The following NSD3 variants were observed in gnomAD, a reference collection of about 807,000 sequenced individuals.
The protein encoded by NSD3 is nuclear receptor binding SET domain protein 3, also known as histone-lysine N-methyltransferase NSD3.
In NSD3, 24 loss-of-function variants were observed where a neutral mutation model predicts 160.8. The ratio of observed to expected loss-of-function variants is 0.15; its 90% CI spans 0.11 to 0.21. NSD3 has a LOEUF of 0.21. NSD3 is among the 10% of genes least tolerant of loss of function. The pLI, the probability that NSD3 is intolerant of heterozygous loss-of-function variation, is 1.00. For synonymous variants in NSD3, 520 were observed against 600.0 expected, an observed-to-expected ratio of 0.87 and a Z score of 1.95; for missense variants, 1,157 against 1,735.9, an observed-to-expected ratio of 0.67 and a Z score of 5.93.
At position 38,329,952 on chromosome 8, in the gene NSD3, A is replaced by G. The variant is rs563066257; in HGVS notation, c.1066-59T>C. The stretch of plus-strand genomic sequence containing the variant: ...TACTCTAATAGGTACATTAAAATTG[A>G]TATGTATTTCCCATGTGATCCTGTT... On this transcript the variant is annotated intron_variant, in intron 5 of 23. Transcript: ENST00000317025. This position sits in a 1 kb window ranked among gnomAD's most constrained non-coding sequence, Gnocchi z 4.8. The G allele has an allele frequency of 2.7e-6, 4 of 1,498,358 alleles. No individual in the cohort carries two copies. Among genetic ancestry groups the G allele is most frequent in the African/African-American group, 2.8e-5 (2 of 71,658 alleles). 92.8% of individuals were successfully genotyped at this position (1,498,358 alleles called of 1,614,324 possible).
At chr8:38,292,877 C>T (rs1161370411) in intron 16 of NSD3, among the ~76,000 whole-genome samples, 1 of 152,124 alleles carries the variant, frequency 6.6e-6, no homozygotes, top group African/African-American at 2.4e-5. Context: ...GAGGCTGAGG[C>T]AGGAGAATCA....
Position 38,321,168 on chromosome 8 carries a change from T to G in NSD3, c.1713A>C (p.Ser571=). 1.2e-6 allele frequency: 2 copies of G among 1,611,116 alleles called. No individual in the cohort carries two copies. The highest frequency in any genetic ancestry group is 1.7e-6 in the Non-Finnish European group (2 of 1,179,360). Residue 571 remains serine, a synonymous_variant, in exon 8 of 24, where the codon TCA becomes TCC. Transcript: ENST00000317025. This position sits in a 1 kb window ranked among gnomAD's most constrained non-coding sequence, Gnocchi z 4.7. Reference sequence around the variant, plus strand: ...ATCTTCTCTGTTGCTTCTTTTCTACTGAGCCTAAGAAATGATTTAAACACA... The same window carrying G: ...ATCTTCTCTGTTGCTTCTTTTCTACGGAGCCTAAGAAATGATTTAAACACA... ...SPEATSGSTG[S]VEKKQQRRSI... is the part of the protein sequence containing the mutation.
At chr8:38,374,687 A>C (rs1811344922) in intron 1 of NSD3, among the ~76,000 whole-genome samples, 1 of 152,168 alleles carries the variant, frequency 6.6e-6, no homozygotes, top group South Asian at 2.1e-4. Flanking sequence ...CTGAAATCTT[A>C]ATTTTCCCAT....
chr8:38,367,317 G>A (rs575855983), intron 1 of NSD3, among the ~76,000 whole-genome samples: 8 of 152,216 alleles, frequency 5.3e-5, no homozygotes, highest in African/African-American at 9.6e-5. Flanking sequence ...AAATGACCAC[G>A]AAAAATGGGA....
chr8:38,313,615 C>G (rs1244889249), intron 12 of NSD3, among the ~76,000 whole-genome samples: 3 of 151,836 alleles, frequency 2.0e-5, no homozygotes, highest in African/African-American at 2.4e-5. Flanking sequence ...GGTGAAACCT[C>G]GTCTCTACTA....
intron 4 of NSD3, 123 bp downstream of exon 4, chr8:38,337,182 C>T (rs940092484): frequency 3.4e-5 from 30 of 884,474 alleles, no homozygotes; most frequent in Admixed American, 8.5e-5. Flanking sequence ...AAAACTGATA[C>T]GGATATGCAC....
intron 15 of NSD3, among the ~76,000 whole-genome samples, chr8:38,297,078 T>C (rs1809167713): frequency 6.6e-6 from 1 of 152,220 alleles, no homozygotes; most frequent in Admixed American, 6.5e-5. Flanking sequence ...ATATTAAACA[T>C]AGTTCAAAAA....
chr8:38,331,858 T>C (rs1810069422), intron 4 of NSD3, among the ~76,000 whole-genome samples: 1 of 151,688 alleles, frequency 6.6e-6, no homozygotes, highest in East Asian at 1.9e-4. Flanking sequence ...CAAAACAAAA[T>C]AACATTCTTC....
intron 1 of NSD3, among the ~76,000 whole-genome samples, chr8:38,353,604 C>G (rs981427019): frequency 1.3e-5 from 2 of 152,064 alleles, no homozygotes; most frequent in South Asian, 4.1e-4. Context: ...TTCCCCTTTT[C>G]CTGTCTTCTC....
At chr8:38,353,984 A>C (rs1356554847) in intron 1 of NSD3, among the ~76,000 whole-genome samples, 7 of 152,228 alleles carry the variant, frequency 4.6e-5, no homozygotes, top group Admixed American at 4.6e-4. Flanking sequence ...GCTAAAGGTC[A>C]TTAGTCCAAA....
At chr8:38,349,697 T>TATATATA (rs1585912859) in intron 1 of NSD3, among the ~76,000 whole-genome samples, 4 of 89,880 alleles carry the variant, frequency 4.5e-5, no homozygotes, top group Admixed American at 2.4e-4. Context: ...ATATATGTAT[T>TATATATA]TATTATACTT....
intron 1 of NSD3, among the ~76,000 whole-genome samples, chr8:38,362,076 T>C (rs1810980774): frequency 6.6e-6 from 1 of 151,946 alleles, no homozygotes; most frequent in African/African-American, 2.4e-5. Flanking sequence ...AAGTATTTAA[T>C]GAAAGCACAC....
intron 12 of NSD3, among the ~76,000 whole-genome samples, chr8:38,312,993 G>C (rs1809570005): frequency 6.6e-6 from 1 of 152,162 alleles, no homozygotes; most frequent in Non-Finnish European, 1.5e-5. Flanking sequence ...AGGATTACAT[G>C]CTCTATCCGT....
chr8:38,310,441 T>C (rs1056901092), intron 12 of NSD3, among the ~76,000 whole-genome samples: 1 of 152,224 alleles, frequency 6.6e-6, no homozygotes, highest in Admixed American at 6.5e-5. Context: ...ATTTGGGTTG[T>C]TTCTACCTTT....
In NSD3 at chr8:38,273,495, T is replaced by C. The variant is rs1425685082; in HGVS notation, c.*2146A>G. On this transcript the variant is annotated 3_prime_UTR_variant, in exon 24 of 24. Transcript: ENST00000317025. Reference sequence around the variant, plus strand: ...GGCTTACCATAGAAAAGTCTTTAGATAGTAAATAGCACTAAGTCTAAAAGC... The same window carrying C: ...GGCTTACCATAGAAAAGTCTTTAGACAGTAAATAGCACTAAGTCTAAAAGC... 6.6e-6 allele frequency: 1 copy of C among 152,300 alleles called. No homozygotes were observed. The highest frequency in any genetic ancestry group is 6.5e-5 in the Admixed American group (1 of 15,302). The allele number at this position is 152,300 out of a possible 1,614,324, so 9.4% of individuals were successfully genotyped here.
At chr8:38,292,411 T>C (rs572447294) in intron 16 of NSD3, among the ~76,000 whole-genome samples, 55 of 150,014 alleles carry the variant, frequency 3.7e-4, no homozygotes, top group African/African-American at 1.3e-3. Context: ...CTTGGGGAGG[T>C]TGTGGCGGGC....
chr8:38,315,793 TAAAC>T (rs1428110997), intron 10 of NSD3, 115 bp downstream of exon 10: 3 of 1,425,346 alleles, frequency 2.1e-6, no homozygotes, highest in Admixed American at 2.3e-5. Flanking sequence ...ACACTCAAAA[TAAAC>T]AAAGTGATTT....
intron 4 of NSD3, among the ~76,000 whole-genome samples, chr8:38,332,714 T>A (rs569407159): frequency 6.6e-6 from 1 of 152,208 alleles, no homozygotes; most frequent in African/African-American, 2.4e-5. Flanking sequence ...ACTAGGTGTT[T>A]TTTCAGGGGA....
At chr8:38,366,576 G>A (rs909074506) in intron 1 of NSD3, among the ~76,000 whole-genome samples, 2 of 151,880 alleles carry the variant, frequency 1.3e-5, no homozygotes, top group African/African-American at 4.8e-5. Flanking sequence ...ACCACACCTG[G>A]CTAATTTTTG....
Sources: allele counts gnomAD v4.1 joint callset (sites outside exome capture counted in the v4.1 genomes callset), GRCh38; gene constraint gnomAD v4.1.1; non-coding constraint Gnocchi (gnomAD v3.1); transcripts MANE v1.5; gene names NCBI Gene and HGNC (gene_info 2026-07-23, HGNC 2026-07-21).